Variants in KCNN2 observed in about 807,000 individuals in gnomAD.
KCNN2 encodes the protein small conductance calcium-activated potassium channel protein 2.
KCNN2 carries 24 observed loss-of-function variants against 55.5 expected under a neutral mutation model. The observed-to-expected ratio is 0.43, with a 90% CI of 0.31 to 0.61. The LOEUF is 0.61. KCNN2 is among the 20% of genes least tolerant of loss of function. The probability of loss-of-function intolerance (pLI) is 0.08; values close to 1 mark genes in which losing one functional copy is unlikely to be tolerated. For synonymous variants in KCNN2, 431 were observed against 336.1 expected, an observed-to-expected ratio of 1.28 and a Z score of -3.09; for missense variants, 754 against 853.6, an observed-to-expected ratio of 0.88 and a Z score of 1.45.
chr5:114,381,620 T>C (rs185980719), intron 2 of KCNN2, among the ~76,000 whole-genome samples: 5 of 152,246 alleles, frequency 3.3e-5, no homozygotes, highest in Non-Finnish European at 5.9e-5. Context: ...CTTCTAATTC[T>C]TGATTTTACA....
At chr5:114,101,414 C>CT (rs10545440) in intron 1 of KCNN2, among the ~76,000 whole-genome samples, 3,028 of 130,226 alleles carry the variant, frequency 0.023, 97 homozygotes, top group African/African-American at 0.078. Flanking sequence ...CTATGGTTTT[C>CT]TTTTTTTTTT....
chr5:114,104,644 G>GA (rs1751442626), intron 1 of KCNN2, among the ~76,000 whole-genome samples: 1 of 151,948 alleles, frequency 6.6e-6, no homozygotes, highest in African/African-American at 2.4e-5. Context: ...TTATAGAAAA[G>GA]AAAAAATACA....
chr5:114,145,761 GTA>G lies in KCNN2; in HGVS notation c.-270-75716_-270-75715del, dbSNP rs1210632420. Among the ~76,000 whole-genome samples the G allele has an allele frequency of 4.1e-4, 63 of 152,118 alleles. 2 individuals are homozygous for G. The highest frequency in any genetic ancestry group is 4.1e-3 in the Admixed American group (62 of 15,266). On this transcript the variant is annotated intron_variant, in intron 1 of 10. Transcript: ENST00000512097. Reference sequence around the variant, plus strand: ...AGGAAAAGGAATATAGGCCCAATATGTATAGTTTTTAACAGTCTGTGGAGTGA... The same window carrying G: ...AGGAAAAGGAATATAGGCCCAATATGTAGTTTTTAACAGTCTGTGGAGTGA...
chr5:114,378,996 G>A (rs1169246378), intron 2 of KCNN2, among the ~76,000 whole-genome samples: 1 of 152,154 alleles, frequency 6.6e-6, no homozygotes, highest in Non-Finnish European at 1.5e-5. Flanking sequence ...TGTTTCTAGT[G>A]ATTAAAGTTA....
At chr5:114,384,708 G>A (rs1758224111) in intron 2 of KCNN2, among the ~76,000 whole-genome samples, 1 of 152,104 alleles carries the variant, frequency 6.6e-6, no homozygotes, top group Non-Finnish European at 1.5e-5. Context: ...TTTCTCAGAT[G>A]CCAGCCCCTA....
chr5:114,487,303 T>A, intron 6 of KCNN2, 126 bp downstream of exon 6: 1 of 807,488 alleles, frequency 1.2e-6, no homozygotes, highest in East Asian at 2.6e-5. Context: ...CAGAAGATGT[T>A]ATCTGGCAAT....
intron 1 of KCNN2, among the ~76,000 whole-genome samples, chr5:114,093,945 A>G (rs1377255523): frequency 6.6e-6 from 1 of 152,168 alleles, no homozygotes; most frequent in Non-Finnish European, 1.5e-5. Context: ...TAGGTGAAAA[A>G]CTGAGACTCT....
At chr5:114,349,052 C>G (rs1032803036) in intron 2 of KCNN2, among the ~76,000 whole-genome samples, 2 of 152,038 alleles carry the variant, frequency 1.3e-5, no homozygotes, top group African/African-American at 2.4e-5. Context: ...CCTATTATCA[C>G]TTACTCTAAT....
At chr5:114,216,248 T>C (rs1753998651) in intron 1 of KCNN2, among the ~76,000 whole-genome samples, 1 of 152,190 alleles carries the variant, frequency 6.6e-6, no homozygotes, top group Admixed American at 6.5e-5. Context: ...TTCCTCATTT[T>C]TTTGTCTGAG....
chr5:114,477,499 A>G (rs562043786), intron 5 of KCNN2, among the ~76,000 whole-genome samples: 3 of 152,300 alleles, frequency 2.0e-5, no homozygotes, highest in East Asian at 1.9e-4. Flanking sequence ...ACATTCTGCA[A>G]TTCAAAAATG....
chr5:114,156,645 T>C (rs530649785), intron 1 of KCNN2, among the ~76,000 whole-genome samples: 1 of 152,286 alleles, frequency 6.6e-6, no homozygotes, highest in South Asian at 2.1e-4. Flanking sequence ...TTTGTGGCAG[T>C]CATGGAAGGA....
chr5:114,353,515 T>C (rs1322487697), intron 2 of KCNN2, among the ~76,000 whole-genome samples: 1 of 152,038 alleles, frequency 6.6e-6, no homozygotes, highest in East Asian at 1.9e-4. Context: ...TTGTTTTTTA[T>C]AGTTACCCAC....
At chr5:114,437,684 A>T (rs1330459979) in intron 3 of KCNN2, among the ~76,000 whole-genome samples, 1 of 152,336 alleles carries the variant, frequency 6.6e-6, no homozygotes, top group Non-Finnish European at 1.5e-5. Flanking sequence ...ATCACATAAC[A>T]TACTATAGTT....
chr5:114,078,766 A>G (rs1359658182), intron 1 of KCNN2, among the ~76,000 whole-genome samples: 1 of 152,180 alleles, frequency 6.6e-6, no homozygotes, highest in African/African-American at 2.4e-5. Flanking sequence ...GAGGCAGAAA[A>G]TGAGGCAAGA....
intron 1 of KCNN2, among the ~76,000 whole-genome samples, chr5:114,112,983 G>C (rs1751633204): frequency 6.6e-6 from 1 of 151,972 alleles, no homozygotes; most frequent in South Asian, 2.1e-4. Context: ...AGTCTGAATT[G>C]CTTCATGTTT....
rs143098237 is a variant in KCNN2 at position 114,459,682 on chromosome 5, T to C, written c.1638-3367T>C. ...ATTAGTATGAGATGTCATTTTTCTATTCTGAGCTATTTTTAGGGCAGGTTT... is the reference window on the plus strand; with the variant it reads ...ATTAGTATGAGATGTCATTTTTCTACTCTGAGCTATTTTTAGGGCAGGTTT... On this transcript the variant is annotated intron_variant, in intron 3 of 7. Coordinates refer to ENST00000673685, the MANE Select transcript of KCNN2 (RefSeq NM_021614.4). Among the ~76,000 whole-genome samples the C allele has an allele frequency of 1.8e-3, 268 of 152,298 alleles. 1 individual carries two copies. The highest frequency in any genetic ancestry group is 6.3e-3 in the African/African-American group (264 of 41,578).
intron 1 of KCNN2, among the ~76,000 whole-genome samples, chr5:114,156,701 A>T (rs998862894): frequency 3.9e-5 from 6 of 152,246 alleles, no homozygotes; most frequent in Middle Eastern, 6.8e-3. Context: ...GTGTATAGGA[A>T]TGCTGGTGAT....
intron 2 of KCNN2, among the ~76,000 whole-genome samples, chr5:114,314,181 G>A (rs1756455706): frequency 6.6e-6 from 1 of 151,982 alleles, no homozygotes; most frequent in African/African-American, 2.4e-5. Flanking sequence ...TTTATTTTTA[G>A]AGCAATTTTA....
chr5:114,167,279 A>G (rs1301734345), intron 1 of KCNN2, among the ~76,000 whole-genome samples: 1 of 152,114 alleles, frequency 6.6e-6, no homozygotes, highest in African/African-American at 2.4e-5. Context: ...TAGAATTTTA[A>G]ATAATAGTAA....
Sources: allele counts gnomAD v4.1 joint callset (sites outside exome capture counted in the v4.1 genomes callset), GRCh38; gene constraint gnomAD v4.1.1; transcripts MANE v1.5; gene names NCBI Gene and HGNC (gene_info 2026-07-23, HGNC 2026-07-21).